The following FAM184A variants were observed in gnomAD, a reference collection of about 807,000 sequenced individuals.
FAM184A encodes the protein family with sequence similarity 184 member A, also known as protein FAM184A.
In FAM184A, 99 loss-of-function variants were observed where a neutral mutation model predicts 143.8. The observed-to-expected ratio is 0.69, with a 90% confidence interval of 0.58 to 0.81. The LOEUF (loss-of-function observed/expected upper bound fraction) is 0.81. FAM184A is among the 40% of genes least tolerant of loss of function. The pLI, the probability that FAM184A is intolerant of heterozygous loss-of-function variation, is 0.00. For missense variants in FAM184A, 1,217 were observed against 1,310.5 expected, an observed-to-expected ratio of 0.93 and a Z score of 1.10; for synonymous variants, 427 against 446.4, an observed-to-expected ratio of 0.96 and a Z score of 0.55.
intron 1 of FAM184A, among the ~76,000 whole-genome samples, chr6:119,043,245 C>T (rs950800779): frequency 1.3e-5 from 2 of 152,134 alleles, no homozygotes; most frequent in Non-Finnish European, 2.9e-5. Context: ...TAAGAAAAGC[C>T]TCCAAGGACA....
At chr6:119,112,536 G>C (rs1788960089) in intron 1 of FAM184A, among the ~76,000 whole-genome samples, 1 of 152,180 alleles carries the variant, frequency 6.6e-6, no homozygotes, top group Non-Finnish European at 1.5e-5. Flanking sequence ...GCCATTGAAA[G>C]TTGAATGGGT....
intron 1 of FAM184A, among the ~76,000 whole-genome samples, chr6:119,026,189 C>T (rs1348566384): frequency 1.3e-5 from 2 of 152,130 alleles, no homozygotes; most frequent in African/African-American, 4.8e-5. Flanking sequence ...ATCTGTCTTG[C>T]CATGCTATCC....
intron 1 of FAM184A, among the ~76,000 whole-genome samples, chr6:119,123,765 T>G (rs1176179739): frequency 6.6e-6 from 1 of 152,220 alleles, no homozygotes; most frequent in East Asian, 1.9e-4. Context: ...CTGTTTATGC[T>G]ATTTGCAGTA....
chr6:119,110,046 C>T (rs1788892245), intron 1 of FAM184A, among the ~76,000 whole-genome samples: 1 of 152,182 alleles, frequency 6.6e-6, no homozygotes, highest in South Asian at 2.1e-4. Context: ...CTTCACCTAA[C>T]ATAAGTCTAA....
intron 1 of FAM184A, among the ~76,000 whole-genome samples, chr6:119,138,593 CTTATTATTATTATTATTATTATTA>C (rs141615745): frequency 2.0e-4 from 29 of 148,176 alleles, no homozygotes; most frequent in East Asian, 6.0e-4. Flanking sequence ...CGCTCTTTCA[CTTATTATTATTATTATTATTATTA>C]TTATTATTAT....
chr6:119,008,402 T>G (rs943810601), intron 6 of FAM184A, among the ~76,000 whole-genome samples: 1 of 152,108 alleles, frequency 6.6e-6, no homozygotes, highest in Admixed American at 6.5e-5. Flanking sequence ...CCAGAAAAGG[T>G]TTTTTGCCAG....
chr6:119,117,902 A>G (rs1429560469), intron 1 of FAM184A, among the ~76,000 whole-genome samples: 1 of 152,212 alleles, frequency 6.6e-6, no homozygotes, highest in African/African-American at 2.4e-5. Flanking sequence ...GTATCCCAGA[A>G]GCAGGACCAG....
rs1784925747 is a variant in FAM184A at position 119,006,544 on chromosome 6, A to G, written c.1718T>C (p.Ile573Thr). 3.1e-6 allele frequency: 5 copies of G among 1,613,956 alleles called. No individual in the cohort carries two copies. The highest frequency in any genetic ancestry group is 2.2e-5 in the South Asian group (2 of 91,060). ...TTCCTGGGAGTCCTGAAGACTAGCA[A>G]TAAGTCCTTCTGCAGAGCCAAGACC... ...EQGLGSAEGL[I>T]ASLQDSQERL... Residue 573 changes from isoleucine to threonine, a missense_variant, in exon 7 of 18, where the codon ATT becomes ACT. Coordinates refer to ENST00000338891, the MANE Select transcript of FAM184A (RefSeq NM_024581.6).
chr6:119,019,936 C>A (rs779200497), intron 4 of FAM184A, 42 bp downstream of exon 4: 7 of 1,449,724 alleles, frequency 4.8e-6, no homozygotes, highest in African/African-American at 1.4e-5. Flanking sequence ...AAGAGAAAAA[C>A]GGAACTCTTT....
intron 3 of FAM184A, among the ~76,000 whole-genome samples, chr6:119,020,835 G>T (rs147079451): frequency 1.3e-5 from 2 of 152,216 alleles, no homozygotes; most frequent in East Asian, 3.9e-4. Flanking sequence ...GCAACATAGC[G>T]AGACCTCATC....
intron 1 of FAM184A, among the ~76,000 whole-genome samples, chr6:119,075,378 C>A (rs1328661910): frequency 6.6e-6 from 1 of 152,062 alleles, no homozygotes; most frequent in Non-Finnish European, 1.5e-5. Context: ...TGAGTGACAG[C>A]CTGAATGAAG....
chr6:119,060,506 T>G (rs1030483167), intron 1 of FAM184A, among the ~76,000 whole-genome samples: 4 of 152,142 alleles, frequency 2.6e-5, no homozygotes, highest in African/African-American at 9.7e-5. Context: ...CTAAAGAAAC[T>G]GAAGAATTGG....
intron 6 of FAM184A, chr6:119,011,033 G>A (rs1785071767): frequency 7.6e-6 from 2 of 264,102 alleles, no homozygotes; most frequent in Non-Finnish European, 1.4e-5. Context: ...TTGGCAAAAG[G>A]GTAGAGAACT....
rs769512662 is a variant in FAM184A at position 119,022,932 on chromosome 6, TG to T, written c.1150+12del. The T allele has an allele frequency of 2.4e-4, 388 of 1,613,628 alleles. No individual in the cohort carries two copies. Among genetic ancestry groups the T allele is most frequent in the Non-Finnish European group, 3.1e-4 (361 of 1,179,846 alleles). On this transcript the variant is annotated intron_variant, in intron 3 of 17. Transcript: ENST00000338891. ...TAGCTAAGCATTACATCAAAAACTG[TG>T]GTCACACATACTAGCTTTGAGGACA...
chr6:119,051,023 G>C (rs1786742560), intron 1 of FAM184A, among the ~76,000 whole-genome samples: 1 of 152,128 alleles, frequency 6.6e-6, no homozygotes, highest in Non-Finnish European at 1.5e-5. Context: ...GAAAGGAGCA[G>C]AAAAAATAAC....
intron 1 of FAM184A, among the ~76,000 whole-genome samples, chr6:119,051,603 A>G (rs1264590043): frequency 6.6e-6 from 1 of 152,192 alleles, no homozygotes; most frequent in African/African-American, 2.4e-5. Flanking sequence ...CTTATTTCAT[A>G]TTGCATCAAA....
At chr6:119,088,020 G>A (rs1479672694) in intron 1 of FAM184A, among the ~76,000 whole-genome samples, 1 of 152,194 alleles carries the variant, frequency 6.6e-6, no homozygotes, top group African/African-American at 2.4e-5. Flanking sequence ...TTACTTATAT[G>A]AAGTAGCTAG....
intron 1 of FAM184A, among the ~76,000 whole-genome samples, chr6:119,144,094 G>A (rs569808998): frequency 3.9e-5 from 6 of 151,962 alleles, no homozygotes; most frequent in Admixed American, 3.3e-4. Flanking sequence ...TTGGGAGGCC[G>A]AGGCGGGTGG....
chr6:118,980,045 C>T, intron 10 of FAM184A, 93 bp downstream of exon 10: 1 of 996,662 alleles, frequency 1.0e-6, no homozygotes, highest in African/African-American at 1.6e-5. Flanking sequence ...GAGACCCTGT[C>T]TCAAAAAATA....
Sources: gnomAD v4.1 joint callset for allele counts (sites outside exome capture counted in the v4.1 genomes callset) on GRCh38, gnomAD v4.1.1 for gene constraint, MANE v1.5 for transcripts, NCBI Gene and HGNC (gene_info 2026-07-23, HGNC 2026-07-21) for gene names.